Variants in RSRC1 observed in about 807,000 individuals in gnomAD.
The protein encoded by RSRC1 is arginine and serine rich coiled-coil 1.
A neutral mutation model predicts 49.1 loss-of-function variants in RSRC1; 39 were observed. That is an observed-to-expected ratio of 0.79 (90% CI 0.61 to 1.04). The LOEUF is 1.04. Among genes scored for constraint, RSRC1 ranks in the 50% least tolerant of loss-of-function variants. RSRC1 has a pLI of 0.00. For synonymous variants in RSRC1, 143 were observed against 130.8 expected, an observed-to-expected ratio of 1.09 and a Z score of -0.63; for missense variants, 388 against 402.4, an observed-to-expected ratio of 0.96 and a Z score of 0.31.
chr3:158,270,784 G>A (rs1725474979), intron 4 of RSRC1, among the ~76,000 whole-genome samples: 2 of 152,052 alleles, frequency 1.3e-5, no homozygotes, highest in Admixed American at 6.5e-5. Flanking sequence ...CAATGACAAA[G>A]TTTAGACTAC....
intron 6 of RSRC1, among the ~76,000 whole-genome samples, chr3:158,426,385 T>C (rs984827693): frequency 5.9e-5 from 9 of 151,428 alleles, no homozygotes; most frequent in African/African-American, 1.9e-4. Flanking sequence ...AAAAAAATCT[T>C]AGAGGAAAAT....
At chr3:158,484,796 A>C (rs934925425) in intron 7 of RSRC1, among the ~76,000 whole-genome samples, 1 of 152,106 alleles carries the variant, frequency 6.6e-6, no homozygotes, top group Non-Finnish European at 1.5e-5. Flanking sequence ...TTTAAACCTA[A>C]AAATGGTGAG....
intron 5 of RSRC1, among the ~76,000 whole-genome samples, chr3:158,334,649 T>TGTGTGTG (rs1729770824): frequency 2.9e-5 from 4 of 137,448 alleles, no homozygotes; most frequent in African/African-American, 5.6e-5. Context: ...CCCAGCTAAT[T>TGTGTGTG]TGTGTGTGTG....
At chr3:158,318,930 G>A (rs183839683) in intron 5 of RSRC1, among the ~76,000 whole-genome samples, 2 of 152,254 alleles carry the variant, frequency 1.3e-5, no homozygotes, top group Admixed American at 1.3e-4. Flanking sequence ...AAGTGGAGGA[G>A]GGCCTGGGGC....
chr3:158,342,576 A>T (rs1212535050), intron 5 of RSRC1, among the ~76,000 whole-genome samples: 1 of 152,174 alleles, frequency 6.6e-6, no homozygotes. Flanking sequence ...GTTTGTCCTT[A>T]TCAGCTGCAT....
At chr3:158,352,439 T>A (rs1730928058) in intron 5 of RSRC1, among the ~76,000 whole-genome samples, 1 of 152,192 alleles carries the variant, frequency 6.6e-6, no homozygotes, top group African/African-American at 2.4e-5. Flanking sequence ...GTATACATTA[T>A]TATGTATTTA....
intron 6 of RSRC1, among the ~76,000 whole-genome samples, chr3:158,457,170 G>C (rs955945024): frequency 1.5e-4 from 23 of 152,252 alleles, no homozygotes; most frequent in African/African-American, 5.3e-4. Flanking sequence ...AGATCAAATA[G>C]GAGCTCCTTT....
intron 5 of RSRC1, among the ~76,000 whole-genome samples, chr3:158,298,385 C>A: frequency 6.6e-6 from 1 of 151,812 alleles, no homozygotes; most frequent in East Asian, 1.9e-4. Flanking sequence ...ATATCTTGAT[C>A]TGATGAAAAC....
At chr3:158,297,495 AAATT>A (rs1727298062) in intron 4 of RSRC1, among the ~76,000 whole-genome samples, 1 of 151,990 alleles carries the variant, frequency 6.6e-6, no homozygotes, top group Non-Finnish European at 1.5e-5. Flanking sequence ...TAAATTCATA[AAATT>A]AATGACAGGA....
chr3:158,487,671 G>T (rs1033718074), intron 7 of RSRC1, among the ~76,000 whole-genome samples: 2 of 152,044 alleles, frequency 1.3e-5, no homozygotes, highest in Non-Finnish European at 2.9e-5. Flanking sequence ...TAAAAAACTG[G>T]CCAGGCAGTG....
chr3:158,193,028 T>C (rs1287761404), intron 3 of RSRC1, among the ~76,000 whole-genome samples: 3 of 152,108 alleles, frequency 2.0e-5, no homozygotes, highest in Admixed American at 6.6e-5. Context: ...CTCAAATTAG[T>C]ACTTCCCTCA....
At chr3:158,424,363 T>G (rs1346777833) in intron 6 of RSRC1, among the ~76,000 whole-genome samples, 3 of 151,986 alleles carry the variant, frequency 2.0e-5, no homozygotes, top group African/African-American at 7.3e-5. Context: ...TTGGTTCTGT[T>G]TATATGCTGG....
At chr3:158,434,615 G>A (rs1248502187) in intron 6 of RSRC1, among the ~76,000 whole-genome samples, 1 of 151,848 alleles carries the variant, frequency 6.6e-6, no homozygotes, top group Non-Finnish European at 1.5e-5. Context: ...GCCACCTAGC[G>A]AAACTCGGGT....
intron 5 of RSRC1, among the ~76,000 whole-genome samples, chr3:158,316,421 C>A (rs1161242270): frequency 6.8e-6 from 1 of 147,416 alleles, no homozygotes; most frequent in Non-Finnish European, 1.5e-5. Context: ...TCTAATCAGT[C>A]CACTGCAGAA....
intron 4 of RSRC1, among the ~76,000 whole-genome samples, chr3:158,248,409 G>T (rs112944625): frequency 6.6e-6 from 1 of 152,186 alleles, no homozygotes; most frequent in Admixed American, 6.5e-5. Flanking sequence ...TTCCATAAAT[G>T]TATCACATTT....
At chr3:158,318,940 C>T (rs1207864859) in intron 5 of RSRC1, among the ~76,000 whole-genome samples, 6 of 152,054 alleles carry the variant, frequency 3.9e-5, no homozygotes, top group African/African-American at 9.7e-5. Context: ...GGGCCTGGGG[C>T]GGGAGCCTGG....
chr3:158,391,781 T>C (rs1369445960), intron 6 of RSRC1, among the ~76,000 whole-genome samples: 1 of 152,104 alleles, frequency 6.6e-6, no homozygotes, highest in Non-Finnish European at 1.5e-5. Flanking sequence ...AGTAAAAATA[T>C]ATTTTGTGGG....
At chr3:158,121,236 CA>C (rs1425115452) in intron 1 of RSRC1, among the ~76,000 whole-genome samples, 1 of 151,632 alleles carries the variant, frequency 6.6e-6, no homozygotes, top group Non-Finnish European at 1.5e-5. Context: ...ATTTCTCTGT[CA>C]AAAAAGCATC....
At chr3:158,475,390 A>G (rs73030525) in intron 7 of RSRC1, among the ~76,000 whole-genome samples, 3,678 of 152,248 alleles carry the variant, frequency 0.024, 161 homozygotes, top group African/African-American at 0.084. Context: ...ATACAGACAT[A>G]CCTTGTTTTA....
Sources: gnomAD v4.1 joint callset for allele counts (sites outside exome capture counted in the v4.1 genomes callset) on GRCh38, gnomAD v4.1.1 for gene constraint, MANE v1.5 for transcripts, NCBI Gene and HGNC (gene_info 2026-07-23, HGNC 2026-07-21) for gene names.